Variants in PLEC observed in about 807,000 individuals in gnomAD.
PLEC encodes plectin.
In PLEC, 216 loss-of-function variants were observed where a neutral mutation model predicts 392.8. The ratio of observed to expected loss-of-function variants is 0.55; its 90% CI spans 0.49 to 0.62. The LOEUF (loss-of-function observed/expected upper bound fraction) is 0.62. PLEC is among the 20% of genes least tolerant of loss of function. PLEC has a pLI of 0.00. For missense variants in PLEC, 6,863 were observed against 6,563.4 expected (o/e 1.05, Z -1.58); for synonymous variants, 3,621 against 2,980.6 (o/e 1.21, Z -7.00).
Position 143,935,314 on chromosome 8 carries a change from C to T in PLEC, c.603-1G>A, listed in dbSNP as rs1554722287. On this transcript the variant is annotated splice_acceptor_variant, in intron 6 of 31. Coordinates refer to ENST00000345136, the MANE Select transcript of PLEC (RefSeq NM_201384.3). LOFTEE classifies it high-confidence loss of function. ...CTTGTTCATGTCGATGAGCAGGGGC[C>T]TGGGACAAGCAGGTGGCTGGTCAGG... is the stretch of plus-strand genomic sequence containing the variant. 6.3e-7 allele frequency: 1 copy of T among 1,599,948 alleles called. No homozygotes were observed. The highest frequency in any genetic ancestry group is 1.7e-5 in the Admixed American group (1 of 59,890).
At chr8:143,925,930 C>T in intron 30 of PLEC, 46 bp from the exon 31 acceptor site, 1 of 1,524,184 alleles carries the variant, frequency 6.6e-7, no homozygotes, top group Non-Finnish European at 8.8e-7. Context: ...AGAGTGTGAA[C>T]ACGGGCAGGC....
chr8:143,921,192 T>C lies in PLEC; in HGVS notation c.8629A>G (p.Thr2877Ala). The C allele has an allele frequency of 1.2e-6, 2 of 1,613,914 alleles. No individual in the cohort carries two copies. Among genetic ancestry groups the C allele is most frequent in the Non-Finnish European group, 1.7e-6 (2 of 1,180,038 alleles). The stretch of plus-strand genomic sequence containing the variant: ...GTGAGTGGCAGAAGGCACAGGCCCG[T>C]CTCGGGGTCCTCCACGCAGCGCTCC... Reference protein sequence around the residue: ...LLERCVEDPETGLCLLPLTDK... With the variant: ...LLERCVEDPEAGLCLLPLTDK... The change falls in exon 32 of 32, where the codon ACG becomes GCG. Residue 2877 changes from threonine to alanine, a missense_variant. Thr to Ala is a moderately conservative substitution (Grantham distance 58). Coordinates refer to ENST00000345136, the MANE Select transcript of PLEC (RefSeq NM_201384.3).
chr8:143,936,051 A>C (rs782612558), intron 5 of PLEC, 37 bp from the exon 6 acceptor site: 2 of 1,606,084 alleles, frequency 1.2e-6, no homozygotes, highest in East Asian at 4.5e-5. Flanking sequence ...GCTCAGCCAC[A>C]GCCACCAGGC....
intron 1 of PLEC, among the ~76,000 whole-genome samples, chr8:143,971,895 G>T (rs782187423): frequency 1.3e-5 from 2 of 152,140 alleles, no homozygotes; most frequent in African/African-American, 2.4e-5. Context: ...GAGGAGCTGC[G>T]CTTGGGAGGG....
upstream of PLEC, among the ~76,000 whole-genome samples, chr8:143,955,164 T>C (rs1832522528): frequency 6.6e-6 from 1 of 151,752 alleles, no homozygotes; most frequent in Non-Finnish European, 1.5e-5. Flanking sequence ...TTAAGGAAAA[T>C]GGTGAAGTGA....
At chr8:143,960,128 C>T (rs187313337) in intron 1 of PLEC, among the ~76,000 whole-genome samples, 214 of 151,768 alleles carry the variant, frequency 1.4e-3, no homozygotes, top group African/African-American at 5.0e-3. Context: ...ACTAAAAATA[C>T]AAAATTAGCT....
rs1829287085 is a variant in PLEC at position 143,937,228 on chromosome 8, C to A, written c.279G>T (p.Gly93=). 1 of 1,612,458 alleles carries A rather than the reference C, an allele frequency of 6.2e-7. No individual in the cohort carries two copies. Among genetic ancestry groups the A allele is most frequent in the African/African-American group, 1.3e-5 (1 of 74,892 alleles). The change falls in exon 4 of 32, where the codon GGG becomes GGT. Residue 93 remains glycine, a synonymous_variant. Transcript: ENST00000345136. ...LSGDSLPREK[G]RMRFHKLQNV... is the part of the protein sequence containing the mutation. ...TCTGCAGCTTGTGGAAACGCATCCT[C>A]CCCTTCTCCCGGGGCTGTGGGGAGG... is the stretch of plus-strand genomic sequence containing the variant.
At chr8:143,953,945 G>C (rs1201267227), upstream of PLEC, 8 of 1,386,774 alleles carry the variant, frequency 5.8e-6, no homozygotes, top group Non-Finnish European at 6.5e-6. Context: ...CGCCCCGGGC[G>C]CATGCTCCCG....
Position 143,920,182 on chromosome 8 carries a change from T to C in PLEC, c.9639A>G (p.Ser3213=). ...CCTGCCGGGCCCGAGCAGCCTTTTC[T>C]GAGAGCGGCAGCAGGCTCAGCCCGG... is the stretch of plus-strand genomic sequence containing the variant. ...QLTGLSLLPL[S]EKAARARQEE... Residue 3213 remains serine, a synonymous_variant, in exon 32 of 32, where the codon TCA becomes TCG. Coordinates refer to ENST00000345136, the MANE Select transcript of PLEC (RefSeq NM_201384.3). The C allele has an allele frequency of 2.5e-6, 4 of 1,611,964 alleles. No homozygotes were observed. Among genetic ancestry groups the C allele is most frequent in the Non-Finnish European group, 3.4e-6 (4 of 1,179,926 alleles).
chr8:143,937,548 G>A, intron 3 of PLEC: 1 of 509,468 alleles, frequency 2.0e-6, no homozygotes, highest in Non-Finnish European at 3.6e-6. Flanking sequence ...CCTCCTGCCT[G>A]GCGGTGGCAG....
chr8:143,922,798 C>T lies in PLEC; in HGVS notation c.7131G>A (p.Glu2377=). 1 of 1,591,030 alleles carries T rather than the reference C, an allele frequency of 6.3e-7. No homozygotes were observed. Among genetic ancestry groups the T allele is most frequent in the South Asian group, 1.1e-5 (1 of 88,880 alleles). Residue 2377 remains glutamate, a synonymous_variant, in exon 31 of 32, where the codon GAG becomes GAA. Coordinates refer to ENST00000345136, the MANE Select transcript of PLEC (RefSeq NM_201384.3). ...TLEAERQRQL[E]MSAEAERLKL... ...TGAGGCGCTCAGCCTCAGCGCTCAT[C>T]TCCAGCTGCCGCTGCCGCTCGGCCT...
rs1554734889 is a variant in PLEC at position 143,950,201 on chromosome 8, T to TCCGGG, written c.501_505dup (p.Glu169AlafsTer86). ...CAGCTGACCTGTGGCTGGGGCAGGC[T>TCCGGG]CCGGGCCTGGCCTGGCCAGGGTCCG... On this transcript the variant is annotated frameshift_variant, in exon 1 of 32. Transcript: ENST00000322810. LOFTEE classifies it high-confidence loss of function. 1.3e-6 allele frequency: 2 copies of TCCGGG among 1,535,704 alleles called. No homozygotes were observed. The highest frequency in any genetic ancestry group is 2.4e-5 in the East Asian group (1 of 41,590).
At position 143,923,492 on chromosome 8, in the gene PLEC, G is replaced by A. The variant is rs563755990; in HGVS notation, c.6437C>T (p.Ala2146Val). Reference protein sequence around the residue: ...EKLRKEAEQEAARRAQAEQAA... With the variant: ...EKLRKEAEQEVARRAQAEQAA... ...CTGCTCCGCCTGTGCCCGCCGCGCC[G>A]CCTCTTGCTCGGCCTCCTTGCGCAG... The change falls in exon 31 of 32, where the codon GCG (alanine) becomes GTG (valine). Residue 2146 changes from alanine to valine, a missense_variant. Transcript: ENST00000345136. The A allele has an allele frequency of 2.6e-5, 41 of 1,598,598 alleles. 1 individual carries two copies. The highest frequency in any genetic ancestry group is 2.0e-4 in the South Asian group (18 of 90,498).
chr8:143,937,930 G>A (rs1013434637), intron 3 of PLEC: 7 of 632,374 alleles, frequency 1.1e-5, no homozygotes, highest in African/African-American at 9.0e-5. Flanking sequence ...GAGGTCCGAG[G>A]GTTGCGGCCA....
Position 143,930,540 on chromosome 8 carries a change from T to TGGGGGAGGGGCAGCATCC in PLEC, c.2305-22_2305-5dup, listed in dbSNP as rs1587039879. The TGGGGGAGGGGCAGCATCC allele has an allele frequency of 6.3e-7, 1 of 1,584,626 alleles. No homozygotes were observed. The stretch of plus-strand genomic sequence containing the variant: ...CGTTCAGCTGTTCCTTCTCGTCCTG[T>TGGGGGAGGGGCAGCATCC]GGGGGAGGGGCAGCATCCAGACGAG... On this transcript the variant is annotated splice_region_variant and splice_polypyrimidine_tract_variant and intron_variant, in intron 19 of 31. Transcript: ENST00000345136.
At position 143,921,550 on chromosome 8, in the gene PLEC, A is replaced by C. The variant is rs1822718770; in HGVS notation, c.8271T>G (p.Gly2757=). Residue 2757 remains glycine, a synonymous_variant, in exon 32 of 32, where the codon GGT becomes GGG. Transcript: ENST00000345136. Reference sequence around the variant, plus strand: ...TGTGGTGCAGCTCGGGGCCCACCACACCCTCCTTCACAGCCTCGTTGACGG... The same window carrying C: ...TGTGGTGCAGCTCGGGGCCCACCACCCCCTCCTTCACAGCCTCGTTGACGG... ...RLTVNEAVKE[G]VVGPELHHKL... is the part of the protein sequence containing the mutation. The C allele has an allele frequency of 1.2e-6, 2 of 1,611,866 alleles. No individual in the cohort carries two copies.
rs782210498 is a variant in PLEC at position 143,933,041 on chromosome 8, C to G, written c.1489G>C (p.Ala497Pro). The change falls in exon 14 of 32, where the codon GCG becomes CCG. Residue 497 changes from alanine (A) to proline (P), a missense_variant. Ala to Pro is a conservative substitution (Grantham distance 27, BLOSUM62 -1). Coordinates refer to ENST00000345136, the MANE Select transcript of PLEC (RefSeq NM_201384.3). ...EYNLRLKAGV[A>P]APATQVAQVT... is the part of the protein sequence containing the mutation. Reference sequence around the variant, plus strand: ...TGGGCCACCTGGGTTGCAGGGGCCGCCACGCCTGCCTTCAGCCGTAGGTTG... The same window carrying G: ...TGGGCCACCTGGGTTGCAGGGGCCGGCACGCCTGCCTTCAGCCGTAGGTTG... The G allele has an allele frequency of 6.3e-7, 1 of 1,595,184 alleles. No individual in the cohort carries two copies. Among genetic ancestry groups the G allele is most frequent in the Admixed American group, 1.7e-5 (1 of 57,452 alleles).
upstream of PLEC, among the ~76,000 whole-genome samples, chr8:143,955,886 C>T (rs1348783931): frequency 2.6e-5 from 4 of 151,926 alleles, no homozygotes; most frequent in Admixed American, 1.3e-4. Flanking sequence ...GCCACACTGC[C>T]TGGTCCAGAT....
Position 143,933,126 on chromosome 8 carries a change from G to C in PLEC, c.1419-15C>G, listed in dbSNP as rs1044412633. 1 of 1,601,440 alleles carries C rather than the reference G, an allele frequency of 6.2e-7. No homozygotes were observed. Among genetic ancestry groups the C allele is most frequent in the Non-Finnish European group, 8.5e-7 (1 of 1,176,658 alleles). On this transcript the variant is annotated splice_polypyrimidine_tract_variant and intron_variant, in intron 13 of 31. Coordinates refer to ENST00000345136, the MANE Select transcript of PLEC (RefSeq NM_201384.3). ...GACGGTACACCCTGGGGCAGCAGAG[G>C]ACTCAGGTAGGTGTTGGCGGGCCTG...
Sources: allele counts gnomAD v4.1 joint callset (sites outside exome capture counted in the v4.1 genomes callset), GRCh38; gene constraint gnomAD v4.1.1; transcripts MANE v1.5; gene names NCBI Gene and HGNC (gene_info 2026-07-23, HGNC 2026-07-21).